The following STPG2 variants were observed in gnomAD, a reference collection of about 807,000 sequenced individuals.
STPG2 encodes sperm tail PG-rich repeat containing 2.
A neutral mutation model predicts 54.2 loss-of-function variants in STPG2; 56 were observed. That is an observed-to-expected ratio of 1.03 (90% CI 0.83 to 1.29). The LOEUF (loss-of-function observed/expected upper bound fraction) is 1.29. Ranked by LOEUF, STPG2 falls within the 50% of genes most tolerant of loss-of-function variation. The pLI is 0.00. For synonymous variants in STPG2, 200 were observed against 181.8 expected (o/e 1.10, Z -0.81); for missense variants, 596 against 544.9 (o/e 1.09, Z -0.93).
intron 10 of STPG2, among the ~76,000 whole-genome samples, chr4:97,643,981 A>C (rs1330547840): frequency 6.6e-6 from 1 of 151,846 alleles, no homozygotes; most frequent in African/African-American, 2.4e-5. Context: ...CATGATTTTC[A>C]ATCTTTCTAA....
intron 5 of STPG2, among the ~76,000 whole-genome samples, chr4:97,985,267 T>C (rs1734795896): frequency 6.6e-6 from 1 of 152,182 alleles, no homozygotes; most frequent in Non-Finnish European, 1.5e-5. Context: ...AAAATATATA[T>C]ATTACTGTTT....
intron 8 of STPG2, among the ~76,000 whole-genome samples, chr4:97,876,604 T>C (rs1265059899): frequency 6.6e-6 from 1 of 152,088 alleles, no homozygotes; most frequent in Non-Finnish European, 1.5e-5. Flanking sequence ...TCTTTGAATA[T>C]CTTTTCCATA....
At chr4:97,985,943 CACACAA>C (rs1734813649) in intron 5 of STPG2, among the ~76,000 whole-genome samples, 1 of 136,248 alleles carries the variant, frequency 7.3e-6, no homozygotes, top group African/African-American at 2.9e-5. Flanking sequence ...CACGTGAGCG[CACACAA>C]ACACACACAC....
intron 5 of STPG2, among the ~76,000 whole-genome samples, chr4:98,100,662 CTTTTTTTTTTTTTTT>C (rs1166820709): frequency 8.6e-5 from 10 of 116,800 alleles, no homozygotes; most frequent in South Asian, 2.8e-4. Flanking sequence ...CTTTTTCTTT[CTTTTTTTTTTTTTTT>C]TTTTTTTTTT....
In STPG2 at chr4:97,637,781, T is replaced by TA. The variant is rs1721609853; in HGVS notation, c.1320+74917dup. Among the ~76,000 whole-genome samples the TA allele has an allele frequency of 9.2e-5, 14 of 152,194 alleles. No individual in the cohort carries two copies. The South Asian group carries it at 2.9e-3, about 32-fold the overall frequency. ...GAATAAAATACCTAGGAATCCAACT[T>TA]ACAAGGGATGTGAAGGACCTCTTCA... On this transcript the variant is annotated intron_variant, in intron 10 of 10. Transcript: ENST00000295268.
intron 8 of STPG2, among the ~76,000 whole-genome samples, chr4:97,919,654 T>C (rs143353787): frequency 1.0e-3 from 158 of 152,210 alleles, no homozygotes; most frequent in Non-Finnish European, 1.5e-3. Context: ...TTAAAGGAAC[T>C]GAATATTTTT....
At chr4:98,022,014 TA>T (rs1736222975) in intron 5 of STPG2, among the ~76,000 whole-genome samples, 2 of 148,386 alleles carry the variant, frequency 1.3e-5, no homozygotes. Flanking sequence ...ATAGCCCATT[TA>T]CATTTAAAGT....
At chr4:97,448,922 A>G (rs1404926190) in intron 4 of STPG2, among the ~76,000 whole-genome samples, 1 of 152,172 alleles carries the variant, frequency 6.6e-6, no homozygotes, top group African/African-American at 2.4e-5. Flanking sequence ...GCATATTTTA[A>G]TTGTATCATT....
chr4:97,744,991 G>A (rs1358698744), intron 9 of STPG2, among the ~76,000 whole-genome samples: 1 of 151,226 alleles, frequency 6.6e-6, no homozygotes, highest in Non-Finnish European at 1.5e-5. Context: ...TGTTACTCCA[G>A]TTACTAATGA....
At chr4:97,611,447 T>C (rs911705951) in intron 10 of STPG2, among the ~76,000 whole-genome samples, 1 of 151,934 alleles carries the variant, frequency 6.6e-6, no homozygotes, top group Non-Finnish European at 1.5e-5. Flanking sequence ...GCTTTTATAA[T>C]AAAAGACTAT....
intron 10 of STPG2, among the ~76,000 whole-genome samples, chr4:97,708,956 T>G (rs1316953882): frequency 6.6e-6 from 1 of 151,854 alleles, no homozygotes; most frequent in Non-Finnish European, 1.5e-5. Flanking sequence ...ATATCTTTGT[T>G]AATTTCTGTA....
At chr4:98,098,982 G>A (rs974138099) in intron 5 of STPG2, among the ~76,000 whole-genome samples, 2 of 151,948 alleles carry the variant, frequency 1.3e-5, no homozygotes, top group African/African-American at 4.8e-5. Context: ...CAATGTGGAG[G>A]AAAGGAAACC....
intron 10 of STPG2, among the ~76,000 whole-genome samples, chr4:97,672,166 C>CTTTTTT (rs70953079): frequency 2.7e-3 from 221 of 80,630 alleles, no homozygotes; most frequent in East Asian, 5.4e-3. Context: ...ACTGGTAATT[C>CTTTTTT]TTTTTTTTTT....
intron 8 of STPG2, among the ~76,000 whole-genome samples, chr4:97,910,960 C>T (rs1242551929): frequency 6.6e-6 from 1 of 152,084 alleles, no homozygotes; most frequent in Non-Finnish European, 1.5e-5. Context: ...TCCAGGTTCT[C>T]GTTTGGTACT....
intron 4 of STPG2, among the ~76,000 whole-genome samples, chr4:97,550,716 G>T (rs901919112): frequency 1.2e-4 from 18 of 152,152 alleles, no homozygotes; most frequent in Admixed American, 3.3e-4. Context: ...TCCAGAGTTT[G>T]TTCCTTCAGA....
intron 9 of STPG2, among the ~76,000 whole-genome samples, chr4:97,723,228 AT>A (rs374901463): frequency 1.0e-4 from 15 of 148,834 alleles, no homozygotes; most frequent in East Asian, 3.9e-4. Flanking sequence ...TTAAGCTTAG[AT>A]TTTTTTTTTA....
intron 9 of STPG2, among the ~76,000 whole-genome samples, chr4:97,802,756 C>G (rs1727437790): frequency 6.6e-6 from 1 of 152,098 alleles, no homozygotes; most frequent in Non-Finnish European, 1.5e-5. Flanking sequence ...CAAGTGTGAG[C>G]CACCGCGCCC....
At chr4:97,487,962 A>G (rs756179873) in intron 4 of STPG2, among the ~76,000 whole-genome samples, 37 of 151,688 alleles carry the variant, frequency 2.4e-4, no homozygotes, top group Non-Finnish European at 3.7e-4. Context: ...AATATAAAAG[A>G]AACCTATGTA....
At chr4:97,608,733 G>A (rs1733656001) in intron 10 of STPG2, among the ~76,000 whole-genome samples, 1 of 152,040 alleles carries the variant, frequency 6.6e-6, no homozygotes. Context: ...CATTTAAAAT[G>A]CTAAGCTGCA....
Sources: gnomAD v4.1 joint callset for allele counts (sites outside exome capture counted in the v4.1 genomes callset) on GRCh38, gnomAD v4.1.1 for gene constraint, MANE v1.5 for transcripts, NCBI Gene and HGNC (gene_info 2026-07-23, HGNC 2026-07-21) for gene names.